Variants in CENPP observed in about 807,000 individuals in gnomAD.
CENPP encodes centromere protein P.
In CENPP, 24 loss-of-function variants were observed where a neutral mutation model predicts 35.6. The observed-to-expected ratio is 0.67, with a 90% confidence interval of 0.49 to 0.95. CENPP has a LOEUF of 0.95. Among genes scored for constraint, CENPP ranks in the 40% least tolerant of loss-of-function variants. The pLI, the probability that CENPP is intolerant of heterozygous loss-of-function variation, is 0.00. For missense variants in CENPP, 332 were observed against 345.3 expected, an observed-to-expected ratio of 0.96 and a Z score of 0.31; for synonymous variants, 120 against 125.5, an observed-to-expected ratio of 0.96 and a Z score of 0.29.
At chr9:92,562,655 C>T (rs972513088) in intron 5 of CENPP, among the ~76,000 whole-genome samples, 1 of 152,126 alleles carries the variant, frequency 6.6e-6, no homozygotes, top group African/African-American at 2.4e-5. Context: ...TTTCCTTCTG[C>T]AAACCCTGAA....
chr9:92,427,583 C>T (rs1410702593), intron 5 of CENPP, among the ~76,000 whole-genome samples: 4 of 152,146 alleles, frequency 2.6e-5, no homozygotes, highest in Non-Finnish European at 5.9e-5. Context: ...CGGGTTTAAG[C>T]AATTCTTCTG....
At chr9:92,356,006 A>C (rs532675940) in intron 4 of CENPP, among the ~76,000 whole-genome samples, 3 of 152,234 alleles carry the variant, frequency 2.0e-5, no homozygotes, top group Non-Finnish European at 4.4e-5. Context: ...CTAAATTTTC[A>C]TATCATATCA....
intron 5 of CENPP, among the ~76,000 whole-genome samples, chr9:92,597,076 C>T (rs1294971398): frequency 6.6e-6 from 1 of 152,098 alleles, no homozygotes; most frequent in East Asian, 1.9e-4. Flanking sequence ...TATATTTGAG[C>T]TTAGAGATGT....
intron 5 of CENPP, among the ~76,000 whole-genome samples, chr9:92,605,982 C>A (rs1305635996): frequency 6.6e-6 from 1 of 152,152 alleles, no homozygotes; most frequent in Non-Finnish European, 1.5e-5. Context: ...GGCAAAGGGG[C>A]CAGGCGTAGT....
intron 5 of CENPP, 61 bp from the exon 6 acceptor site, chr9:92,611,253 C>CG: frequency 1.4e-6 from 2 of 1,394,656 alleles, no homozygotes; most frequent in Non-Finnish European, 1.0e-6. Context: ...CCCCGTGCCC[C>CG]TCCCATGGCC....
At chr9:92,395,537 A>G (rs2130911043) in intron 5 of CENPP, among the ~76,000 whole-genome samples, 1 of 152,282 alleles carries the variant, frequency 6.6e-6, no homozygotes, top group African/African-American at 2.4e-5. Context: ...AAGGAGTGGA[A>G]TGGCTGGGTC....
chr9:92,577,225 G>A (rs959697489), intron 5 of CENPP, among the ~76,000 whole-genome samples: 4 of 152,014 alleles, frequency 2.6e-5, no homozygotes, highest in Admixed American at 6.6e-5. Flanking sequence ...CAAGAAACAC[G>A]CACAGGGGCT....
At chr9:92,366,286 A>G (rs750438251) in intron 4 of CENPP, among the ~76,000 whole-genome samples, 3 of 152,140 alleles carry the variant, frequency 2.0e-5, no homozygotes, top group Non-Finnish European at 4.4e-5. Flanking sequence ...GATGGAATTT[A>G]CTGGAATTGG....
chr9:92,342,875 A>G (rs370782630), intron 3 of CENPP, among the ~76,000 whole-genome samples: 4 of 152,226 alleles, frequency 2.6e-5, no homozygotes, highest in African/African-American at 9.6e-5. Context: ...TGCTGGGTCA[A>G]AGGAAACTTA....
intron 5 of CENPP, among the ~76,000 whole-genome samples, chr9:92,458,420 G>A (rs1844965133): frequency 6.6e-6 from 1 of 152,140 alleles, no homozygotes; most frequent in Non-Finnish European, 1.5e-5. Flanking sequence ...ACTGATATGA[G>A]ACCAATCATG....
At chr9:92,553,475 G>A (rs1202237048) in intron 5 of CENPP, among the ~76,000 whole-genome samples, 1 of 152,058 alleles carries the variant, frequency 6.6e-6, no homozygotes, top group Non-Finnish European at 1.5e-5. Flanking sequence ...GGATTGCGTT[G>A]AATTTGTAGA....
chr9:92,503,442 A>G (rs533412055), intron 5 of CENPP, among the ~76,000 whole-genome samples: 3 of 152,330 alleles, frequency 2.0e-5, no homozygotes, highest in Non-Finnish European at 2.9e-5. Flanking sequence ...CATGTGGTCT[A>G]TAATATTTTA....
At chr9:92,444,842 T>C (rs1844511328) in intron 5 of CENPP, among the ~76,000 whole-genome samples, 1 of 152,010 alleles carries the variant, frequency 6.6e-6, no homozygotes, top group Non-Finnish European at 1.5e-5. Context: ...TTAGGTGAGC[T>C]CAGCCACTAC....
chr9:92,585,168 G>A (rs1329684267), intron 5 of CENPP, among the ~76,000 whole-genome samples: 1 of 152,232 alleles, frequency 6.6e-6, no homozygotes, highest in Non-Finnish European at 1.5e-5. Context: ...CACTAGGACT[G>A]GGCTGTAATA....
chr9:92,559,706 G>T (rs896711815), intron 5 of CENPP, among the ~76,000 whole-genome samples: 1 of 151,904 alleles, frequency 6.6e-6, no homozygotes, highest in African/African-American at 2.4e-5. Context: ...TCACTATGTT[G>T]CCAGGGCTGG....
intron 5 of CENPP, among the ~76,000 whole-genome samples, chr9:92,566,800 A>G (rs1277917846): frequency 6.6e-6 from 1 of 152,230 alleles, no homozygotes; most frequent in East Asian, 1.9e-4. Context: ...AAAGGAACAC[A>G]AAGAATATCT....
chr9:92,570,839 C>G (rs1374208377), intron 5 of CENPP, among the ~76,000 whole-genome samples: 1 of 150,456 alleles, frequency 6.6e-6, no homozygotes, highest in Non-Finnish European at 1.5e-5. Flanking sequence ...TTATCCATTT[C>G]TTCTAGATTT....
At chr9:92,510,315 A>G (rs1232946072) in intron 5 of CENPP, among the ~76,000 whole-genome samples, 1 of 152,278 alleles carries the variant, frequency 6.6e-6, no homozygotes, top group Non-Finnish European at 1.5e-5. Flanking sequence ...GAAAGCTGCC[A>G]TAACTACTGG....
intron 5 of CENPP, among the ~76,000 whole-genome samples, chr9:92,569,059 T>G (rs1429880952): frequency 6.6e-6 from 1 of 152,256 alleles, no homozygotes; most frequent in Non-Finnish European, 1.5e-5. Context: ...GTAGTTTCTT[T>G]TGCTGTGCAG....
Sources: allele counts gnomAD v4.1 joint callset (sites outside exome capture counted in the v4.1 genomes callset), GRCh38; gene constraint gnomAD v4.1.1; transcripts MANE v1.5; gene names NCBI Gene and HGNC (gene_info 2026-07-23, HGNC 2026-07-21).